PDE1C: variants seen among roughly 807,000 people sequenced by gnomAD.
PDE1C encodes the protein dual specificity calcium/calmodulin-dependent 3',5'-cyclic nucleotide phosphodiesterase 1C.
PDE1C carries 62 observed loss-of-function variants against 93.1 expected under a neutral mutation model. That is an observed-to-expected ratio of 0.67 (90% CI 0.54 to 0.82). PDE1C has a LOEUF of 0.82. PDE1C is among the 40% of genes least tolerant of loss of function. PDE1C has a pLI of 0.00. For synonymous variants in PDE1C, 325 were observed against 310.1 expected (o/e 1.05, Z -0.50); for missense variants, 742 against 884.6 (o/e 0.84, Z 2.04).
chr7:32,308,343 G>A (rs1813071193), intron 1 of PDE1C, among the ~76,000 whole-genome samples: 2 of 152,270 alleles, frequency 1.3e-5, no homozygotes, highest in Non-Finnish European at 2.9e-5. Flanking sequence ...AGTAACCTCT[G>A]CAGACTTAAA....
At chr7:32,423,548 TAAG>T (rs1455978742) in intron 1 of PDE1C, among the ~76,000 whole-genome samples, 1 of 152,232 alleles carries the variant, frequency 6.6e-6, no homozygotes, top group African/African-American at 2.4e-5. Flanking sequence ...GTTAAAATGC[TAAG>T]ACTCTGGTCC....
chr7:32,020,474 C>T (rs1023872970), intron 2 of PDE1C, among the ~76,000 whole-genome samples: 9 of 151,966 alleles, frequency 5.9e-5, no homozygotes, highest in East Asian at 3.9e-4. Context: ...GCACACAAAG[C>T]GACACAAGGA....
intron 1 of PDE1C, among the ~76,000 whole-genome samples, chr7:32,055,206 C>A (rs1000422026): frequency 6.6e-6 from 1 of 151,942 alleles, no homozygotes; most frequent in African/African-American, 2.4e-5. Flanking sequence ...ATTCTTTTTC[C>A]TTCTACTAAG....
intron 1 of PDE1C, among the ~76,000 whole-genome samples, chr7:32,222,136 A>C (rs1321456903): frequency 6.6e-6 from 1 of 152,180 alleles, no homozygotes; most frequent in Non-Finnish European, 1.5e-5. Context: ...GCACATATGC[A>C]CACACATACA....
intron 14 of PDE1C, among the ~76,000 whole-genome samples, chr7:31,817,072 A>C (rs1195625718): frequency 2.6e-5 from 4 of 152,174 alleles, no homozygotes; most frequent in African/African-American, 9.6e-5. Flanking sequence ...ATTTATAAAG[A>C]GGAGATCATA....
the PDE1C span, among the ~76,000 whole-genome samples, chr7:31,735,100 T>C: frequency 6.6e-6 from 1 of 152,150 alleles, no homozygotes; most frequent in African/African-American, 2.4e-5. Flanking sequence ...TGATTAATAT[T>C]TGAAAAGGAT....
intron 3 of PDE1C, chr7:32,078,036 T>C (rs1796449075): frequency 3.0e-6 from 3 of 985,212 alleles, no homozygotes; most frequent in South Asian, 9.4e-5. Context: ...CCCAGTATAA[T>C]TAACTTGGCT....
intron 2 of PDE1C, among the ~76,000 whole-genome samples, chr7:32,030,113 A>G (rs1298289294): frequency 6.6e-6 from 1 of 151,620 alleles, no homozygotes; most frequent in Non-Finnish European, 1.5e-5. Context: ...ACACACACAC[A>G]CACACACACA....
chr7:31,794,045 C>T (rs13310982), intron 16 of PDE1C, among the ~76,000 whole-genome samples: 5,454 of 87,352 alleles, frequency 0.062, 146 homozygotes, highest in African/African-American at 0.1. Context: ...GATAGATAGA[C>T]AGACAGACAG....
rs551830863 is a variant in PDE1C, at chr7:32,382,829, T to C, written c.310+44993A>G. Among the ~76,000 whole-genome samples the C allele has an allele frequency of 6.6e-5, 10 of 152,338 alleles. No individual in the cohort carries two copies. In the South Asian group the frequency reaches 1.9e-3, roughly 28 times the overall value. ...GGAAATGGGAACCAGTCCACGCGAC[T>C]CCGACACCCGTGTCGTCTCCCCTAC... On this transcript the variant is annotated intron_variant, in intron 1 of 1. Coordinates refer to the PDE1C transcript ENST00000672256.
intron 3 of PDE1C, among the ~76,000 whole-genome samples, chr7:32,083,645 C>T (rs1796861684): frequency 6.6e-6 from 1 of 152,236 alleles, no homozygotes; most frequent in African/African-American, 2.4e-5. Context: ...AGACTAACAG[C>T]AGATCTCTCT....
At chr7:32,412,830 C>G (rs80239266) in intron 1 of PDE1C, among the ~76,000 whole-genome samples, 1 of 152,104 alleles carries the variant, frequency 6.6e-6, no homozygotes, top group Non-Finnish European at 1.5e-5. Flanking sequence ...TCATAGAAAG[C>G]TTGCACAATA....
At chr7:31,660,809 G>A in the PDE1C span, among the ~76,000 whole-genome samples, 9 of 151,460 alleles carry the variant, frequency 5.9e-5, no homozygotes, top group African/African-American at 9.7e-5. Flanking sequence ...ATGAAAATAC[G>A]TATCTAGAGA....
chr7:31,637,070 AT>A, the PDE1C span, among the ~76,000 whole-genome samples: 4 of 151,740 alleles, frequency 2.6e-5, no homozygotes, highest in South Asian at 2.1e-4. Context: ...TGAATTCATC[AT>A]TTTTTTATGG....
intron 2 of PDE1C, among the ~76,000 whole-genome samples, chr7:31,994,392 T>C (rs1043147262): frequency 6.6e-6 from 1 of 152,184 alleles, no homozygotes; most frequent in East Asian, 1.9e-4. Context: ...GGGAATAGCA[T>C]TGAACTTGGA....
intron 2 of PDE1C, among the ~76,000 whole-genome samples, chr7:32,023,487 A>G (rs1788975368): frequency 6.6e-6 from 1 of 152,142 alleles, no homozygotes; most frequent in Non-Finnish European, 1.5e-5. Context: ...ACAAATGTTC[A>G]TAGCAGCCTT....
At chr7:32,298,840 G>T in exon 1 of PDE1C, 1 of 1,425,870 alleles carries the variant, frequency 7.0e-7, no homozygotes, top group Non-Finnish European at 9.1e-7. Flanking sequence ...TCCTCCCCCG[G>T]CCGCGCCGCG....
chr7:32,028,958 A>G (rs534076324), intron 2 of PDE1C, among the ~76,000 whole-genome samples: 2 of 152,240 alleles, frequency 1.3e-5, no homozygotes, highest in African/African-American at 4.8e-5. Context: ...GAGACAATCT[A>G]CAGACTTGGA....
At chr7:31,896,622 T>A (rs1339407771) in intron 2 of PDE1C, among the ~76,000 whole-genome samples, 3 of 152,188 alleles carry the variant, frequency 2.0e-5, no homozygotes, top group African/African-American at 4.8e-5. Flanking sequence ...AAGATATTGG[T>A]GATACTATTG....
Sources: gnomAD v4.1 joint callset for allele counts (sites outside exome capture counted in the v4.1 genomes callset) on GRCh38, gnomAD v4.1.1 for gene constraint, MANE v1.5 for transcripts, NCBI Gene and HGNC (gene_info 2026-07-23, HGNC 2026-07-21) for gene names.